The following RORB variants were observed in gnomAD, a reference collection of about 807,000 sequenced individuals.
RORB encodes nuclear receptor ROR-beta.
A neutral mutation model predicts 59.1 loss-of-function variants in RORB; 6 were observed. The observed-to-expected ratio is 0.10, with a 90% CI of 0.06 to 0.20. The LOEUF is 0.20. Among genes scored for constraint, RORB ranks in the 10% least tolerant of loss-of-function variants. The pLI is 1.00. For synonymous variants in RORB, 215 were observed against 204.5 expected (o/e 1.05, Z -0.44); for missense variants, 320 against 560.5 (o/e 0.57, Z 4.33).
intron 6 of RORB, among the ~76,000 whole-genome samples, chr9:74,663,313 T>C (rs1211296825): frequency 6.6e-6 from 1 of 152,220 alleles, no homozygotes; most frequent in African/African-American, 2.4e-5. Context: ...CATATGTGTT[T>C]ATGTTTCCCT....
chr9:74,577,215 A>G (rs1016464411), intron 1 of RORB, among the ~76,000 whole-genome samples: 1 of 152,076 alleles, frequency 6.6e-6, no homozygotes, highest in Non-Finnish European at 1.5e-5. Flanking sequence ...CTTCTTGTAC[A>G]ATCAGTTCTA....
chr9:74,674,007 A>G lies in RORB; in HGVS notation c.1224+2106A>G, dbSNP rs192298481. On this transcript the variant is annotated intron_variant, in intron 9 of 9. Coordinates refer to ENST00000376896, the MANE Select transcript of RORB (RefSeq NM_006914.4). ...CTGTGGCTTCAGATTAAGTCGCTCCATTTGTCTAAGTCTCACATTTGTCCA... is the reference window on the plus strand; with the variant it reads ...CTGTGGCTTCAGATTAAGTCGCTCCGTTTGTCTAAGTCTCACATTTGTCCA... Among the ~76,000 whole-genome samples the G allele has an allele frequency of 7.3e-3, 1,107 of 152,238 alleles. 20 individuals are homozygous for G. The highest frequency in any genetic ancestry group is 0.025 in the African/African-American group (1,057 of 41,538).
intron 1 of RORB, among the ~76,000 whole-genome samples, chr9:74,605,379 T>C (rs1467831191): frequency 6.6e-6 from 1 of 152,198 alleles, no homozygotes; most frequent in Non-Finnish European, 1.5e-5. Flanking sequence ...TAACCTCCTA[T>C]GGACCAGCAG....
In RORB at chr9:74,620,833, A is replaced by G. The variant is rs573615574; in HGVS notation, c.8-9449A>G. On this transcript the variant is annotated intron_variant, in intron 1 of 9. Coordinates refer to ENST00000376896, the MANE Select transcript of RORB (RefSeq NM_006914.4). ...GTAGTCATTCAGGAGCAGGTTGTTCAGTTTCCATGTAGTTGAGCAGTGGGA... is the reference window on the plus strand; with the variant it reads ...GTAGTCATTCAGGAGCAGGTTGTTCGGTTTCCATGTAGTTGAGCAGTGGGA... Among the ~76,000 whole-genome samples, 145 of 152,286 alleles carry G rather than the reference A, an allele frequency of 9.5e-4. 1 individual carries two copies. The highest frequency in any genetic ancestry group is 3.4e-3 in the African/African-American group (141 of 41,554).
intron 1 of RORB, among the ~76,000 whole-genome samples, chr9:74,582,398 A>T (rs1822737661): frequency 6.6e-6 from 1 of 152,214 alleles, no homozygotes; most frequent in Non-Finnish European, 1.5e-5. Context: ...TATTAGAAAA[A>T]TGGCTCAGAG....
chr9:74,617,424 C>T (rs1267774687), intron 1 of RORB, among the ~76,000 whole-genome samples: 1 of 152,174 alleles, frequency 6.6e-6, no homozygotes, highest in East Asian at 1.9e-4. Context: ...GAATAAGGGA[C>T]AGTCGACATG....
Position 74,662,599 on chromosome 9 carries a change from G to C in RORB, c.885G>C (p.Leu295=). 1 of 1,613,646 alleles carries C rather than the reference G, an allele frequency of 6.2e-7. No homozygotes were observed. The highest frequency in any genetic ancestry group is 8.5e-7 in the Non-Finnish European group (1 of 1,179,996). ...ELCQNDQILL[L]KSGCLEVVLV... is the part of the protein sequence containing the mutation. ...GTCAAAATGATCAAATTCTACTTCT[G>C]AAGTCAGGTAAGCAAGAAGATTCAT... The change falls in exon 6 of 10, where the codon CTG becomes CTC. Residue 295 remains leucine, a synonymous_variant. Transcript: ENST00000376896.
At chr9:74,607,207 T>C (rs975553257) in intron 1 of RORB, among the ~76,000 whole-genome samples, 2 of 152,240 alleles carry the variant, frequency 1.3e-5, no homozygotes, top group Non-Finnish European at 2.9e-5. Context: ...AAGGGACTTA[T>C]CTGAAGTCAA....
chr9:74,643,153 C>T (rs557612707), intron 4 of RORB, among the ~76,000 whole-genome samples: 2 of 152,262 alleles, frequency 1.3e-5, no homozygotes, highest in East Asian at 3.9e-4. Context: ...AAAGTTGATG[C>T]TATTCAAAGT....
At chr9:74,563,281 A>G (rs1321020823) in intron 1 of RORB, among the ~76,000 whole-genome samples, 1 of 150,432 alleles carries the variant, frequency 6.6e-6, no homozygotes, top group African/African-American at 2.5e-5. Context: ...CAACTCCCAG[A>G]TTCAAGCGAT....
chr9:74,589,506 G>A (rs975439693), intron 1 of RORB, among the ~76,000 whole-genome samples: 17 of 152,118 alleles, frequency 1.1e-4, no homozygotes, highest in African/African-American at 2.9e-4. Context: ...TGTAAACCTC[G>A]TTCTTAAAAT....
chr9:74,649,601 C>A (rs75172678), intron 4 of RORB, among the ~76,000 whole-genome samples: 2 of 152,122 alleles, frequency 1.3e-5, no homozygotes, highest in South Asian at 4.1e-4. Context: ...AATAACCCCG[C>A]AAAGATGGTC....
chr9:74,626,224 A>G (rs1450821582), intron 1 of RORB, among the ~76,000 whole-genome samples: 1 of 152,160 alleles, frequency 6.6e-6, no homozygotes, highest in African/African-American at 2.4e-5. Flanking sequence ...ATAATTGTTG[A>G]ATAGGATCTG....
At chr9:74,595,273 C>T (rs1315579105) in intron 1 of RORB, among the ~76,000 whole-genome samples, 2 of 152,134 alleles carry the variant, frequency 1.3e-5, no homozygotes, top group Admixed American at 1.3e-4. Flanking sequence ...TGGAAATAGG[C>T]TTGCTGTCAT....
intron 1 of RORB, among the ~76,000 whole-genome samples, chr9:74,580,421 G>A (rs1453347107): frequency 1.3e-5 from 2 of 152,088 alleles, no homozygotes; most frequent in Non-Finnish European, 2.9e-5. Flanking sequence ...AATAGATCTT[G>A]TTCCTTGATT....
At chr9:74,598,783 A>G (rs1475431474) in intron 1 of RORB, among the ~76,000 whole-genome samples, 1 of 152,218 alleles carries the variant, frequency 6.6e-6, no homozygotes, top group East Asian at 1.9e-4. Context: ...TGATTTATAA[A>G]GAAAAGAGGT....
At chr9:74,581,604 A>G (rs150129240) in intron 1 of RORB, among the ~76,000 whole-genome samples, 2 of 152,300 alleles carry the variant, frequency 1.3e-5, no homozygotes, top group African/African-American at 2.4e-5. Flanking sequence ...CAAAGGAGCA[A>G]GAGATATTAG....
intron 1 of RORB, among the ~76,000 whole-genome samples, chr9:74,510,310 C>T (rs1825918843): frequency 1.3e-5 from 2 of 152,136 alleles, no homozygotes; most frequent in African/African-American, 4.8e-5. Context: ...AGATTGTACA[C>T]TTATCTCAGG....
At position 74,616,816 on chromosome 9, in the gene RORB, A is replaced by C. The variant is rs1823319451; in HGVS notation, c.8-13466A>C. Among the ~76,000 whole-genome samples the C allele has an allele frequency of 2.0e-5, 3 of 152,082 alleles. No individual in the cohort carries two copies. In the South Asian group the frequency reaches 6.2e-4, roughly 31 times the overall value. On this transcript the variant is annotated intron_variant, in intron 1 of 9. Transcript: ENST00000376896. ...TACATAAAACATAGTGGCCGATTTT[A>C]GGGGTTTATGTGCACATACACACAC...
Sources: gnomAD v4.1 joint callset for allele counts (sites outside exome capture counted in the v4.1 genomes callset) on GRCh38, gnomAD v4.1.1 for gene constraint, MANE v1.5 for transcripts, NCBI Gene and HGNC (gene_info 2026-07-23, HGNC 2026-07-21) for gene names.